PCGF5: variants seen among roughly 807,000 people sequenced by gnomAD.
PCGF5 encodes the protein polycomb group ring finger 5, also known as polycomb group RING finger protein 5.
PCGF5 carries 9 observed loss-of-function variants against 44.3 expected under a neutral mutation model. The observed-to-expected ratio is 0.20, with a 90% CI of 0.12 to 0.35. The LOEUF (loss-of-function observed/expected upper bound fraction) is 0.35. Ranked by LOEUF, PCGF5 falls within the 10% of genes least tolerant of loss-of-function variation. PCGF5 has a pLI of 1.00. For synonymous variants in PCGF5, 95 were observed against 102.5 expected (o/e 0.93, Z 0.44); for missense variants, 146 against 305.3 (o/e 0.48, Z 3.89).
At chr10:91,174,896 A>C (rs1295286805) in intron 1 of PCGF5, among the ~76,000 whole-genome samples, 1 of 152,232 alleles carries the variant, frequency 6.6e-6, no homozygotes, top group Non-Finnish European at 1.5e-5. Flanking sequence ...ATATGAGAAG[A>C]GGCAACAGTA....
chr10:91,222,249 A>G (rs900125792), intron 1 of PCGF5, among the ~76,000 whole-genome samples: 2 of 152,348 alleles, frequency 1.3e-5, no homozygotes, highest in African/African-American at 2.4e-5. Context: ...GCAGCCGGGC[A>G]TGGAATAGCA....
intron 1 of PCGF5, among the ~76,000 whole-genome samples, chr10:91,187,473 G>T (rs1487223597): frequency 6.6e-6 from 1 of 151,962 alleles, no homozygotes; most frequent in Non-Finnish European, 1.5e-5. Flanking sequence ...TGAGGTAGAG[G>T]TCGCTATCAG....
chr10:91,180,057 G>A (rs538325579), intron 1 of PCGF5, among the ~76,000 whole-genome samples: 2 of 152,030 alleles, frequency 1.3e-5, no homozygotes, highest in African/African-American at 4.8e-5. Context: ...GTGTGAGATG[G>A]TATCTCATTG....
At chr10:91,243,343 G>T (rs1845378587) in intron 3 of PCGF5, among the ~76,000 whole-genome samples, 1 of 152,164 alleles carries the variant, frequency 6.6e-6, no homozygotes, top group Admixed American at 6.5e-5. Context: ...CCTGAAGGTG[G>T]CCACATTGCA....
chr10:91,264,410 C>A (rs758806524), intron 7 of PCGF5, 21 bp from the exon 8 acceptor site: 5 of 1,542,750 alleles, frequency 3.2e-6, no homozygotes, highest in Non-Finnish European at 3.5e-6. Flanking sequence ...GTTAATAGAT[C>A]TATAATGATT....
chr10:91,212,124 C>T (rs1197651929), intron 1 of PCGF5, among the ~76,000 whole-genome samples: 3 of 152,172 alleles, frequency 2.0e-5, no homozygotes, highest in Non-Finnish European at 4.4e-5. Context: ...TAGCAAAATA[C>T]TGTGTACTTG....
intron 1 of PCGF5, among the ~76,000 whole-genome samples, chr10:91,201,050 T>C (rs528146872): frequency 5.3e-5 from 8 of 152,130 alleles, no homozygotes; most frequent in African/African-American, 1.9e-4. Context: ...AGGGAGGTGA[T>C]GGGGAAAGTT....
At chr10:91,172,741 A>G (rs553095207) in intron 1 of PCGF5, among the ~76,000 whole-genome samples, 1 of 152,346 alleles carries the variant, frequency 6.6e-6, no homozygotes, top group East Asian at 1.9e-4. Flanking sequence ...TTGTTATATC[A>G]ACTAGAAGTG....
intron 6 of PCGF5, among the ~76,000 whole-genome samples, chr10:91,255,787 A>C (rs968790072): frequency 2.0e-5 from 3 of 152,070 alleles, no homozygotes. Context: ...GTGGTCCCTC[A>C]GTATATGTTG....
intron 1 of PCGF5, among the ~76,000 whole-genome samples, chr10:91,209,006 T>G (rs2133248268): frequency 6.6e-6 from 1 of 152,358 alleles, no homozygotes; most frequent in South Asian, 2.1e-4. Context: ...AATACTTTTT[T>G]TCCCTTTAGA....
intron 2 of PCGF5, among the ~76,000 whole-genome samples, chr10:91,225,146 CA>C (rs1844784389): frequency 6.7e-6 from 1 of 149,240 alleles, no homozygotes; most frequent in African/African-American, 2.5e-5. Context: ...AAAAGGAAAA[CA>C]AAAGATTATA....
At chr10:91,248,122 C>T (rs2133370654) in intron 3 of PCGF5, among the ~76,000 whole-genome samples, 2 of 152,270 alleles carry the variant, frequency 1.3e-5, no homozygotes, top group Middle Eastern at 6.8e-3. Context: ...GAGACAAAAG[C>T]ATTTGATGCC....
At chr10:91,268,250 T>G (rs1156602276) in intron 8 of PCGF5, among the ~76,000 whole-genome samples, 1 of 152,180 alleles carries the variant, frequency 6.6e-6, no homozygotes, top group African/African-American at 2.4e-5. Flanking sequence ...AGTTGTCTAC[T>G]TTCTTTGGGA....
At chr10:91,266,817 CA>C in intron 8 of PCGF5, among the ~76,000 whole-genome samples, 1 of 152,156 alleles carries the variant, frequency 6.6e-6, no homozygotes, top group East Asian at 1.9e-4. Context: ...TAACCTTCAC[CA>C]TCAAAATATA....
intron 1 of PCGF5, among the ~76,000 whole-genome samples, chr10:91,202,794 A>G (rs768297550): frequency 6.6e-6 from 1 of 152,214 alleles, no homozygotes; most frequent in East Asian, 1.9e-4. Context: ...TTTATGCTAT[A>G]TAATATGCTT....
intron 2 of PCGF5, chr10:91,227,710 A>T: frequency 9.7e-7 from 1 of 1,034,242 alleles, no homozygotes; most frequent in Non-Finnish European, 1.2e-6. Context: ...CGTTGACCTC[A>T]GGATACATTA....
intron 1 of PCGF5, among the ~76,000 whole-genome samples, chr10:91,177,815 T>G (rs1031249185): frequency 6.6e-6 from 1 of 152,218 alleles, no homozygotes; most frequent in African/African-American, 2.4e-5. Flanking sequence ...ACCCCTTTCC[T>G]TGGCTAGGGA....
chr10:91,213,473 T>A (rs555698183), intron 1 of PCGF5, among the ~76,000 whole-genome samples: 12 of 86,184 alleles, frequency 1.4e-4, no homozygotes, highest in Admixed American at 6.8e-4. Context: ...TTAAAAAAAA[T>A]TTTTTTTTAA....
intron 2 of PCGF5, among the ~76,000 whole-genome samples, chr10:91,234,044 G>T (rs967189575): frequency 2.3e-4 from 35 of 152,184 alleles, no homozygotes; most frequent in African/African-American, 7.7e-4. Flanking sequence ...ATCAAAGCTG[G>T]GAAGCTCACT....
Sources: allele counts gnomAD v4.1 joint callset (sites outside exome capture counted in the v4.1 genomes callset), GRCh38; gene constraint gnomAD v4.1.1; transcripts MANE v1.5; gene names NCBI Gene and HGNC (gene_info 2026-07-23, HGNC 2026-07-21).